The following GLYATL2 variants were observed in gnomAD, a reference collection of about 807,000 sequenced individuals.
GLYATL2 encodes the protein glycine N-acyltransferase-like protein 2.
Under a neutral mutation model 21.4 loss-of-function variants are expected in GLYATL2, and 25 were observed. That is an observed-to-expected ratio of 1.17 (90% CI 0.85 to 1.63). GLYATL2 has a LOEUF of 1.63. Among genes scored for constraint, GLYATL2 ranks in the 40% most tolerant of loss-of-function variants. The pLI, the probability that GLYATL2 is intolerant of heterozygous loss-of-function variation, is 0.00. For synonymous variants in GLYATL2, 114 were observed against 118.2 expected (o/e 0.96, Z 0.23); for missense variants, 361 against 343.3 (o/e 1.05, Z -0.41).
At chr11:58,895,269 G>C (rs928479039) in intron 1 of GLYATL2, among the ~76,000 whole-genome samples, 3 of 152,190 alleles carry the variant, frequency 2.0e-5, no homozygotes, top group Non-Finnish European at 4.4e-5. Context: ...AGAGCACAAG[G>C]TAAGTCCAAA....
chr11:58,836,877 A>T, intron 5 of GLYATL2, 138 bp downstream of exon 5: 1 of 752,166 alleles, frequency 1.3e-6, no homozygotes, highest in Non-Finnish European at 2.2e-6. Flanking sequence ...ACAGTTGCTA[A>T]CATAACTCCC....
intron 1 of GLYATL2, among the ~76,000 whole-genome samples, chr11:58,841,934 A>G (rs1227027170): frequency 3.3e-5 from 5 of 152,194 alleles, no homozygotes; most frequent in African/African-American, 4.8e-5. Context: ...TAACTTTTTC[A>G]AAGAGCTTGA....
At chr11:58,842,476 CTGTGTGTGTG>C (rs34133004) in intron 1 of GLYATL2, among the ~76,000 whole-genome samples, 78 of 134,846 alleles carry the variant, frequency 5.8e-4, no homozygotes, top group East Asian at 2.2e-3. Context: ...GAGTGAGACT[CTGTGTGTGTG>C]TGTGTGTGTG....
chr11:58,901,032 T>A (rs760203314), intron 1 of GLYATL2, among the ~76,000 whole-genome samples: 16 of 152,060 alleles, frequency 1.1e-4, no homozygotes, highest in Non-Finnish European at 2.1e-4. Flanking sequence ...TCGCCTGCCC[T>A]GAGTAACTGC....
At chr11:58,857,352 A>G (rs1853846972) in intron 1 of GLYATL2, among the ~76,000 whole-genome samples, 1 of 152,206 alleles carries the variant, frequency 6.6e-6, no homozygotes, top group South Asian at 2.1e-4. Flanking sequence ...GTGGGGAGCT[A>G]GCGGCAGCTG....
intron 1 of GLYATL2, among the ~76,000 whole-genome samples, chr11:58,870,540 A>T (rs1037930756): frequency 6.6e-6 from 1 of 152,200 alleles, no homozygotes; most frequent in Admixed American, 6.5e-5. Context: ...GAAAAGACTA[A>T]AGACATTCTC....
intron 1 of GLYATL2, among the ~76,000 whole-genome samples, chr11:58,864,964 A>G (rs1017107798): frequency 4.7e-5 from 7 of 149,012 alleles, no homozygotes; most frequent in African/African-American, 1.5e-4. Context: ...AAACACACAC[A>G]TATATACACA....
chr11:58,847,635 T>G, upstream of GLYATL2, among the ~76,000 whole-genome samples: 1 of 152,216 alleles, frequency 6.6e-6, no homozygotes, highest in East Asian at 1.9e-4. Context: ...GGGAAGAACT[T>G]CATCTTGTGG....
intron 1 of GLYATL2, among the ~76,000 whole-genome samples, chr11:58,899,636 A>G (rs1854699964): frequency 1.3e-5 from 2 of 152,154 alleles, no homozygotes; most frequent in Non-Finnish European, 2.9e-5. Flanking sequence ...AAGAAGGAAC[A>G]GAGCCAAGCA....
upstream of GLYATL2, among the ~76,000 whole-genome samples, chr11:58,847,750 T>C (rs1853668487): frequency 1.3e-5 from 2 of 152,214 alleles, no homozygotes; most frequent in Admixed American, 6.5e-5. Context: ...TCTCAGGGCC[T>C]GAGGAATCTC....
intron 1 of GLYATL2, among the ~76,000 whole-genome samples, chr11:58,872,578 A>G (rs1173634866): frequency 3.3e-5 from 5 of 152,234 alleles, no homozygotes; most frequent in Non-Finnish European, 4.4e-5. Context: ...CAGGTTTGTC[A>G]AAGATCAGAT....
intron 1 of GLYATL2, among the ~76,000 whole-genome samples, chr11:58,851,729 G>A (rs1337810711): frequency 6.6e-6 from 1 of 152,170 alleles, no homozygotes; most frequent in East Asian, 1.9e-4. Flanking sequence ...ACAGAAATAG[G>A]TGGGTGACAT....
At chr11:58,838,221 G>T in intron 3 of GLYATL2, 40 bp downstream of exon 3, 1 of 1,316,142 alleles carries the variant, frequency 7.6e-7, no homozygotes. Context: ...AGAACGTCTG[G>T]AGAGTGACTA....
At chr11:58,878,777 G>A (rs1228654978) in intron 1 of GLYATL2, among the ~76,000 whole-genome samples, 3 of 152,114 alleles carry the variant, frequency 2.0e-5, no homozygotes, top group Non-Finnish European at 4.4e-5. Flanking sequence ...GTTCCTTCTG[G>A]TTTATACATT....
chr11:58,863,220 C>T (rs1368285918), intron 1 of GLYATL2, among the ~76,000 whole-genome samples: 1 of 152,202 alleles, frequency 6.6e-6, no homozygotes, highest in Non-Finnish European at 1.5e-5. Context: ...CATGGGTCCA[C>T]AGGGGCTGAC....
chr11:58,845,016 T>C (rs1283543498), upstream of GLYATL2, among the ~76,000 whole-genome samples: 2 of 152,094 alleles, frequency 1.3e-5, no homozygotes, highest in African/African-American at 2.4e-5. Context: ...GGGAGGGGCA[T>C]TGTAAGTTTA....
At chr11:58,885,439 T>A (rs1180462794) in intron 1 of GLYATL2, 1 of 494,024 alleles carries the variant, frequency 2.0e-6, no homozygotes, top group African/African-American at 1.9e-5. Flanking sequence ...TTCATATATA[T>A]GGCTGTGTGT....
At chr11:58,879,847 T>C (rs1038844347) in intron 1 of GLYATL2, among the ~76,000 whole-genome samples, 16 of 122,102 alleles carry the variant, frequency 1.3e-4, no homozygotes, top group Admixed American at 2.2e-4. Context: ...AATTTCTTTT[T>C]TTCCTTGTTT....
At chr11:58,896,625 G>T (rs1239736021) in intron 1 of GLYATL2, among the ~76,000 whole-genome samples, 1 of 152,178 alleles carries the variant, frequency 6.6e-6, no homozygotes, top group African/African-American at 2.4e-5. Flanking sequence ...GACAAACAAG[G>T]ACACAAAGAT....
Sources: allele counts gnomAD v4.1 joint callset (sites outside exome capture counted in the v4.1 genomes callset), GRCh38; gene constraint gnomAD v4.1.1; transcripts MANE v1.5; gene names NCBI Gene and HGNC (gene_info 2026-07-23, HGNC 2026-07-21).